The following TOX4 variants were observed in gnomAD, a reference collection of about 807,000 sequenced individuals.
The protein encoded by TOX4 is epidermal Langerhans cell protein LCP1.
A neutral mutation model predicts 61.0 loss-of-function variants in TOX4; 12 were observed. The ratio of observed to expected loss-of-function variants is 0.20; its 90% CI spans 0.13 to 0.32. The LOEUF (loss-of-function observed/expected upper bound fraction) is 0.32. Ranked by LOEUF, TOX4 falls within the 10% of genes least tolerant of loss-of-function variation. The probability of loss-of-function intolerance (pLI) is 1.00; values close to 1 mark genes in which losing one functional copy is unlikely to be tolerated. For missense variants in TOX4, 499 were observed against 753.3 expected (o/e 0.66, Z 3.95); for synonymous variants, 268 against 274.8 (o/e 0.98, Z 0.24).
intron 8 of TOX4, 53 bp from the exon 9 acceptor site, chr14:21,496,493 T>G (rs1283896889): frequency 2.6e-6 from 4 of 1,532,006 alleles, no homozygotes; most frequent in Non-Finnish European, 3.6e-6. Flanking sequence ...TAGGCTGTAA[T>G]TCTATTTCAG....
Position 21,492,723 on chromosome 14 carries a change from T to C in TOX4, c.1107T>C (p.Ile369=). Residue 369 remains isoleucine (I), a synonymous_variant, in exon 7 of 9, where the codon ATT becomes ATC. Coordinates refer to ENST00000448790, the MANE Select transcript of TOX4 (RefSeq NM_014828.4). ...AGGQPNITKL[I]ITKQMLPSSI... The stretch of plus-strand genomic sequence containing the variant: ...GTCAGCCCAATATCACCAAGTTGAT[T>C]ATTACCAAACAAATGTTGCCCTCTT... 6.2e-7 allele frequency: 1 copy of C among 1,614,086 alleles called. No homozygotes were observed. The highest frequency in any genetic ancestry group is 1.1e-5 in the South Asian group (1 of 91,078).
At chr14:21,479,096 C>A (rs948026847) in intron 2 of TOX4, among the ~76,000 whole-genome samples, 2 of 149,948 alleles carry the variant, frequency 1.3e-5, no homozygotes, top group Admixed American at 6.7e-5. Context: ...CAGGCATGAG[C>A]CAATGTGCCC....
chr14:21,495,750 AAC>A (rs1891386065), intron 8 of TOX4: 1 of 156,184 alleles, frequency 6.4e-6, no homozygotes, highest in African/African-American at 2.4e-5. Context: ...AGTGGAAAGT[AAC>A]ACATAATAAT....
At chr14:21,493,629 C>T (rs189853581) in intron 7 of TOX4, among the ~76,000 whole-genome samples, 8 of 151,554 alleles carry the variant, frequency 5.3e-5, no homozygotes, top group African/African-American at 1.9e-4. Context: ...TTAGTAGAGA[C>T]GGTTTCTCCA....
At chr14:21,491,025 G>T (rs758622365) in intron 5 of TOX4, among the ~76,000 whole-genome samples, 20 of 152,228 alleles carry the variant, frequency 1.3e-4, no homozygotes, top group Non-Finnish European at 2.8e-4. Context: ...GGGTTTCACC[G>T]TGTTGGTCAG....
intron 2 of TOX4, among the ~76,000 whole-genome samples, chr14:21,487,022 G>A (rs1891200996): frequency 1.3e-5 from 2 of 152,178 alleles, no homozygotes; most frequent in African/African-American, 4.8e-5. Flanking sequence ...GGCTGACAGC[G>A]AATTTCTGTG....
chr14:21,481,507 A>G (rs1891107220), intron 2 of TOX4, among the ~76,000 whole-genome samples: 1 of 152,206 alleles, frequency 6.6e-6, no homozygotes. Context: ...ATTGCTAGTG[A>G]GAGTGTAAGT....
At chr14:21,490,805 C>T (rs1462466285) in intron 5 of TOX4, among the ~76,000 whole-genome samples, 1 of 152,304 alleles carries the variant, frequency 6.6e-6, no homozygotes, top group East Asian at 1.9e-4. Flanking sequence ...AAATCCACTA[C>T]CAAGTTTGGA....
In TOX4 at chr14:21,498,014, T is replaced by C; in HGVS notation, c.*1408T>C. ...GATCATTTTAATGTTTCCCATGCAC[T>C]CATTTAGTTTGAACCTTCACAGCAA... On this transcript the variant is annotated 3_prime_UTR_variant, in exon 9 of 9. Coordinates refer to ENST00000448790, the MANE Select transcript of TOX4 (RefSeq NM_014828.4). 2.1e-6 allele frequency: 1 copy of C among 479,530 alleles called. No individual in the cohort carries two copies. Among genetic ancestry groups the C allele is most frequent in the Non-Finnish European group, 3.7e-6 (1 of 267,592 alleles). The allele number at this position is 479,530 out of a possible 1,614,324, so 29.7% of individuals were successfully genotyped here.
chr14:21,487,804 T>G, intron 3 of TOX4, 111 bp downstream of exon 3: 4 of 1,295,528 alleles, frequency 3.1e-6, no homozygotes, highest in Non-Finnish European at 4.1e-6. Context: ...TCTCTTCTTG[T>G]GGCTAAAGGC....
chr14:21,483,129 G>A (rs749923126), intron 2 of TOX4, among the ~76,000 whole-genome samples: 9 of 151,990 alleles, frequency 5.9e-5, no homozygotes, highest in Admixed American at 1.3e-4. Context: ...CATTCCAGAT[G>A]GTTTATGAGG....
Position 21,488,913 on chromosome 14 carries a change from C to T in TOX4, c.579+63C>T, listed in dbSNP as rs1295922346. On this transcript the variant is annotated intron_variant, in intron 4 of 8. Transcript: ENST00000448790. ...AGTCTGGGATAAAATTTTTGGGATA[C>T]AGAGCCTAATCAGTATTCTTTACCC... The T allele has an allele frequency of 4.4e-6, 7 of 1,590,128 alleles. No individual in the cohort carries two copies. The East Asian group carries it at 9.0e-5, about 20-fold the overall frequency.
chr14:21,487,623 A>C lies in TOX4; in HGVS notation c.248A>C (p.Asp83Ala). The C allele has an allele frequency of 6.2e-7, 1 of 1,614,116 alleles. No homozygotes were observed. The highest frequency in any genetic ancestry group is 8.5e-7 in the Non-Finnish European group (1 of 1,180,010). Reference sequence around the variant, plus strand: ...GCCCAGTATGGGGTCCAGACATTGGACATGCCTGTGGGCATGACCCATGGC... The same window carrying C: ...GCCCAGTATGGGGTCCAGACATTGGCCATGCCTGTGGGCATGACCCATGGC... Reference protein sequence around the residue: ...FSAQYGVQTLDMPVGMTHGLM... With the variant: ...FSAQYGVQTLAMPVGMTHGLM... Residue 83 changes from aspartate to alanine, a missense_variant, in exon 3 of 9, where the codon GAC (aspartate) becomes GCC (alanine). Around this residue, in one of 7 missense-constraint regions of TOX4, gnomAD observed 90 missense variants for 109.5 expected, o/e 0.82. Coordinates refer to ENST00000448790, the MANE Select transcript of TOX4 (RefSeq NM_014828.4).
chr14:21,479,815 C>T (rs1170652685), intron 2 of TOX4, among the ~76,000 whole-genome samples: 2 of 152,174 alleles, frequency 1.3e-5, no homozygotes, highest in Non-Finnish European at 2.9e-5. Flanking sequence ...CAGGTCTCCA[C>T]AGTTTAAATT....
chr14:21,482,575 A>C (rs1484415789), intron 2 of TOX4: 1 of 470,038 alleles, frequency 2.1e-6, no homozygotes, highest in Non-Finnish European at 4.4e-6. Flanking sequence ...AAGGCCCAGG[A>C]ATTGAACAAA....
chr14:21,498,881 G>T lies in TOX4; in HGVS notation c.*2275G>T. On this transcript the variant is annotated 3_prime_UTR_variant, in exon 9 of 9. Transcript: ENST00000448790. ...AATATTTGTAGAATCTCATAAAACAGTTTAAATACAAGCTTAAGTGGCTTA... is the reference window on the plus strand; with the variant it reads ...AATATTTGTAGAATCTCATAAAACATTTTAAATACAAGCTTAAGTGGCTTA... 1.6e-6 allele frequency: 1 copy of T among 628,564 alleles called. No homozygotes were observed. Among genetic ancestry groups the T allele is most frequent in the Non-Finnish European group, 2.8e-6 (1 of 355,182 alleles). 38.9% of individuals were successfully genotyped at this position (628,564 alleles called of 1,614,324 possible).
At chr14:21,483,707 C>T (rs1202024628) in intron 2 of TOX4, among the ~76,000 whole-genome samples, 1 of 151,710 alleles carries the variant, frequency 6.6e-6, no homozygotes, top group Non-Finnish European at 1.5e-5. Flanking sequence ...AAACAACATA[C>T]ATAAATACAT....
chr14:21,492,937 C>G lies in TOX4; in HGVS notation c.1321C>G (p.Pro441Ala). 5.6e-6 allele frequency: 9 copies of G among 1,611,538 alleles called. No individual in the cohort carries two copies. Among genetic ancestry groups the G allele is most frequent in the Non-Finnish European group, 7.6e-6 (9 of 1,179,394 alleles). ...AAAASMQLPP[P>A]RLQPPPLQQM... The stretch of plus-strand genomic sequence containing the variant: ...TGCTGCTTCTATGCAACTGCCTCCA[C>G]CCCGACTACAGCCCCCTCCATTACA... The change falls in exon 7 of 9, where the codon CCC becomes GCC. Residue 441 changes from proline to alanine, a missense_variant. Pro to Ala is a conservative substitution (Grantham distance 27, BLOSUM62 -1). Transcript: ENST00000448790.
In TOX4 at chr14:21,498,195, C is replaced by A. The variant is rs1891453939; in HGVS notation, c.*1589C>A. 2 of 934,912 alleles carry A rather than the reference C, an allele frequency of 2.1e-6. No individual in the cohort carries two copies. Among genetic ancestry groups the A allele is most frequent in the Admixed American group, 1.9e-5 (1 of 53,276 alleles). 57.9% of individuals were successfully genotyped at this position (934,912 alleles called of 1,614,324 possible). A position where few individuals can be genotyped will look rare whatever the true frequency, so the allele number is the denominator to read the frequency against. ...AAGAAGAAAGCTATTGTACAAATAT[C>A]ACTCTTCAGGTTTAGCTTACAGAGC... On this transcript the variant is annotated 3_prime_UTR_variant, in exon 9 of 9. Transcript: ENST00000448790.
Sources: gnomAD v4.1 joint callset for allele counts (sites outside exome capture counted in the v4.1 genomes callset) on GRCh38, gnomAD v4.1.1 for gene constraint, gnomAD v4.1.1 regional missense constraint, MANE v1.5 for transcripts, NCBI Gene and HGNC (gene_info 2026-07-23, HGNC 2026-07-21) for gene names.